The following CCL23 variants were observed in gnomAD, a reference collection of about 807,000 sequenced individuals.
CCL23 encodes the protein C-C motif chemokine 23.
CCL23 carries 10 observed loss-of-function variants against 11.8 expected under a neutral mutation model. The ratio of observed to expected loss-of-function variants is 0.84; its 90% CI spans 0.52 to 1.43. The LOEUF (loss-of-function observed/expected upper bound fraction) is 1.43. Ranked by LOEUF, CCL23 falls within the 40% of genes most tolerant of loss-of-function variation. The pLI is 0.00. For missense variants in CCL23, 181 were observed against 170.9 expected, an observed-to-expected ratio of 1.06 and a Z score of -0.33; for synonymous variants, 60 against 61.0, an observed-to-expected ratio of 0.98 and a Z score of 0.07.
chr17:36,013,467 T>G (rs562566429), intron 3 of CCL23, among the ~76,000 whole-genome samples, 159 bp from the exon 4 acceptor site: 1 of 152,100 alleles, frequency 6.6e-6, no homozygotes, highest in Non-Finnish European at 1.5e-5. Context: ...AGGGCCATTG[T>G]GCTCTTGAGA....
chr17:36,013,846 G>A lies in CCL23; in HGVS notation c.200C>T (p.Thr67Ile), dbSNP rs1207726023. 3 of 1,614,040 alleles carry A rather than the reference G, an allele frequency of 1.9e-6. No individual in the cohort carries two copies. The highest frequency in any genetic ancestry group is 2.5e-6 in the Non-Finnish European group (3 of 1,179,888). The part of the protein sequence containing the change: ...TLSHAAGFHA[T>I]SADCCISYTP... ...GTAGGAGATGCAGCAGTCAGCACTA[G>A]TAGCATGGAATCCTGCAGCATGAGA... The change falls in exon 3 of 4, where the codon ACT becomes ATT. Residue 67 changes from threonine (T) to isoleucine (I), a missense_variant. Thr to Ile is a moderately conservative substitution (Grantham distance 89, BLOSUM62 -1). Transcript: ENST00000615050.
chr17:36,014,722 A>T (rs1362380420), intron 1 of CCL23, among the ~76,000 whole-genome samples: 1 of 152,230 alleles, frequency 6.6e-6, no homozygotes, highest in African/African-American at 2.4e-5. Flanking sequence ...ACATTTCTGG[A>T]ATCCACAGGG....
At chr17:36,016,666 T>C (rs964514952) in intron 1 of CCL23, among the ~76,000 whole-genome samples, 1 of 151,048 alleles carries the variant, frequency 6.6e-6, no homozygotes, top group Non-Finnish European at 1.5e-5. Flanking sequence ...ATAATATATG[T>C]GTACTTTTCA....
chr17:36,014,479 C>T (rs995581882), intron 1 of CCL23, 86 bp from the exon 2 acceptor site: 2 of 1,055,392 alleles, frequency 1.9e-6, no homozygotes, highest in Admixed American at 1.7e-5. Flanking sequence ...GCTCATCCTC[C>T]TCCTGAGGCA....
rs138682650 is a variant in CCL23, at chr17:36,016,059, A to G, written c.77-1666T>C. Among the ~76,000 whole-genome samples, 427 of 150,948 alleles carry G rather than the reference A, an allele frequency of 2.8e-3. 1 individual carries two copies. Among genetic ancestry groups the G allele is most frequent in the East Asian group, 0.013 (68 of 5,150 alleles). On this transcript the variant is annotated intron_variant, in intron 1 of 3. Transcript: ENST00000615050. The stretch of plus-strand genomic sequence containing the variant: ...ACTCCAACTCAAAATAAAATAAAAT[A>G]TAATAAATATTTACTTTTAATATAA...
In CCL23 at chr17:36,017,958, C is replaced by T. The variant is rs1453081787; in HGVS notation, c.-61G>A. 5.0e-6 allele frequency: 8 copies of T among 1,584,964 alleles called. No homozygotes were observed. The highest frequency in any genetic ancestry group is 1.7e-5 in the Admixed American group (1 of 57,810). On this transcript the variant is annotated 5_prime_UTR_variant, in exon 1 of 4. Transcript: ENST00000615050. ...CTGGGCTCACTGCTTCCTGGCTTCT[C>T]GGGATGCCAGTTCTGCCCTTGTATT...
intron 3 of CCL23, chr17:36,013,532 T>G (rs542129093): frequency 2.9e-5 from 18 of 622,306 alleles, no homozygotes; most frequent in East Asian, 1.6e-4. Flanking sequence ...TTGGGCAGAC[T>G]TGTGCCTGCT....
chr17:36,017,685 T>C (rs2090107714), intron 1 of CCL23, 137 bp downstream of exon 1: 1 of 786,532 alleles, frequency 1.3e-6, no homozygotes, highest in Admixed American at 2.2e-5. Flanking sequence ...ACCAGGTCTA[T>C]ACTCTGGTGC....
At chr17:36,015,618 T>C (rs2090092129) in intron 1 of CCL23, among the ~76,000 whole-genome samples, 1 of 152,216 alleles carries the variant, frequency 6.6e-6, no homozygotes, top group Admixed American at 6.5e-5. Context: ...GGAAATGGGA[T>C]TGTGGAGCTG....
chr17:36,017,609 T>C (rs1315617272), intron 1 of CCL23, among the ~76,000 whole-genome samples: 1 of 152,238 alleles, frequency 6.6e-6, no homozygotes, highest in Non-Finnish European at 1.5e-5. Flanking sequence ...AGGGAAATGA[T>C]TGGCCCCACA....
At chr17:36,017,424 A>C (rs577003532) in intron 1 of CCL23, among the ~76,000 whole-genome samples, 2 of 152,266 alleles carry the variant, frequency 1.3e-5, no homozygotes, top group East Asian at 3.9e-4. Context: ...GGCTTGTTCC[A>C]TTTCTTCTCC....
chr17:36,015,145 A>G (rs1200146535), intron 1 of CCL23, among the ~76,000 whole-genome samples: 1 of 151,780 alleles, frequency 6.6e-6, no homozygotes, highest in East Asian at 1.9e-4. Flanking sequence ...GACAATCACT[A>G]TCTGTGTCGT....
chr17:36,015,020 G>C (rs1001253879), intron 1 of CCL23, among the ~76,000 whole-genome samples: 1 of 151,958 alleles, frequency 6.6e-6, no homozygotes, highest in Non-Finnish European at 1.5e-5. Flanking sequence ...CAGTTCAATA[G>C]CATCAAATAC....
At chr17:36,015,628 G>T (rs2090092154) in intron 1 of CCL23, among the ~76,000 whole-genome samples, 1 of 152,200 alleles carries the variant, frequency 6.6e-6, no homozygotes. Flanking sequence ...TTGTGGAGCT[G>T]CCTTATGCTT....
At position 36,017,962 on chromosome 17, in the gene CCL23, A is replaced by T; in HGVS notation, c.-65T>A. ...GCTCACTGCTTCCTGGCTTCTCGGGATGCCAGTTCTGCCCTTGTATTTATA... is the reference window on the plus strand; with the variant it reads ...GCTCACTGCTTCCTGGCTTCTCGGGTTGCCAGTTCTGCCCTTGTATTTATA... On this transcript the variant is annotated 5_prime_UTR_variant, in exon 1 of 4. Transcript: ENST00000615050. 6.4e-7 allele frequency: 1 copy of T among 1,571,746 alleles called. No homozygotes were observed.
rs1275682302 is a variant in CCL23 at position 36,014,355 on chromosome 17, C to T, written c.115G>A (p.Glu39Lys). 1 of 1,613,422 alleles carries T rather than the reference C, an allele frequency of 6.2e-7. No individual in the cohort carries two copies. Among genetic ancestry groups the T allele is most frequent in the African/African-American group, 1.3e-5 (1 of 74,912 alleles). The change falls in exon 2 of 4, where the codon GAA (glutamate) becomes AAA (lysine). Residue 39 changes from glutamate (E) to lysine (K), a missense_variant. By Grantham distance (56) the Glu-to-Lys change is moderately conservative. Transcript: ENST00000615050. ...TTACTGTCCAGAAGTACTGGATTTT[C>T]CAATGGAAGCTTTGACATCATGAAC... ...TEFMMSKLPL[E>K]NPVLLDMLWR...
At position 36,016,697 on chromosome 17, in the gene CCL23, C is replaced by A. The variant is rs1264592989; in HGVS notation, c.76+1125G>T. On this transcript the variant is annotated intron_variant, in intron 1 of 3. Transcript: ENST00000615050. ...TTTCATATATTTAAAAATAAATATA[C>A]TTTTAATATAATTTAATGACTATAT... 2.7e-5 allele frequency among the ~76,000 whole-genome samples: 4 copies of A among 149,212 alleles called. No individual in the cohort carries two copies. In the South Asian group the frequency reaches 6.3e-4, roughly 24 times the overall value.
intron 1 of CCL23, among the ~76,000 whole-genome samples, chr17:36,015,596 G>A (rs557542169): frequency 8.5e-5 from 13 of 152,274 alleles, no homozygotes; most frequent in African/African-American, 2.9e-4. Flanking sequence ...TTCATCTAGC[G>A]CCAAGTGCTT....
chr17:36,013,657 T>C, intron 3 of CCL23, 87 bp downstream of exon 3: 1 of 1,353,836 alleles, frequency 7.4e-7, no homozygotes. Flanking sequence ...GGGTGGGCCC[T>C]GATGGACACC....
Sources: allele counts gnomAD v4.1 joint callset (sites outside exome capture counted in the v4.1 genomes callset), GRCh38; gene constraint gnomAD v4.1.1; transcripts MANE v1.5; gene names NCBI Gene and HGNC (gene_info 2026-07-23, HGNC 2026-07-21).